Variants in ZNF277 observed in about 807,000 individuals in gnomAD.
The protein encoded by ZNF277 is zinc finger protein 277, also known as nuclear receptor-interacting factor 4.
ZNF277 carries 55 observed loss-of-function variants against 60.7 expected under a neutral mutation model. The observed-to-expected ratio is 0.91, with a 90% CI of 0.73 to 1.13. ZNF277 has a LOEUF of 1.13. ZNF277 is among the 50% of genes most tolerant of loss of function. ZNF277 has a pLI of 0.00. For synonymous variants in ZNF277, 178 were observed against 179.3 expected (o/e 0.99, Z 0.06); for missense variants, 510 against 523.0 (o/e 0.98, Z 0.24).
chr7:112,235,636 T>G (rs191666763), intron 1 of ZNF277, among the ~76,000 whole-genome samples: 229 of 152,214 alleles, frequency 1.5e-3, no homozygotes, highest in African/African-American at 5.3e-3. Context: ...GTAAGAGTTC[T>G]TTATACATTC....
chr7:112,304,232 C>T (rs1792542607), intron 4 of ZNF277, among the ~76,000 whole-genome samples: 1 of 152,032 alleles, frequency 6.6e-6, no homozygotes, highest in South Asian at 2.1e-4. Flanking sequence ...GTACAGTTAT[C>T]CCTGCCTTAT....
intron 1 of ZNF277, among the ~76,000 whole-genome samples, chr7:112,257,388 A>G (rs892135367): frequency 4.6e-5 from 7 of 152,228 alleles, no homozygotes; most frequent in South Asian, 2.1e-4. Flanking sequence ...GCAGTATTTC[A>G]ACTTCTCTCC....
At chr7:112,280,869 G>C (rs1791923273) in intron 1 of ZNF277, among the ~76,000 whole-genome samples, 1 of 151,982 alleles carries the variant, frequency 6.6e-6, no homozygotes, top group African/African-American at 2.4e-5. Flanking sequence ...CTCAAGTAAT[G>C]CGCCCACCTC....
At chr7:112,308,218 T>C (rs1044134507) in intron 4 of ZNF277, among the ~76,000 whole-genome samples, 2 of 151,932 alleles carry the variant, frequency 1.3e-5, no homozygotes, top group Non-Finnish European at 2.9e-5. Context: ...TTTAATCTGT[T>C]AAAAATTGTG....
At chr7:112,281,995 G>A (rs1791955456) in intron 1 of ZNF277, among the ~76,000 whole-genome samples, 1 of 152,070 alleles carries the variant, frequency 6.6e-6, no homozygotes, top group Non-Finnish European at 1.5e-5. Context: ...ACCACGCCCT[G>A]CTAATTTTTG....
chr7:112,213,913 T>C lies in ZNF277; in HGVS notation c.91+7106T>C, dbSNP rs531279159. 4.6e-5 allele frequency among the ~76,000 whole-genome samples: 7 copies of C among 152,340 alleles called. No homozygotes were observed. The South Asian group carries it at 8.3e-4, about 18-fold the overall frequency. On this transcript the variant is annotated intron_variant, in intron 1 of 11. Coordinates refer to ENST00000361822, the MANE Select transcript of ZNF277 (RefSeq NM_021994.3). ...ATGAGTAATACTGTATCTATATTGC[T>C]GGGATGTGGAAATGATTAGGTGAGA...
chr7:112,321,851 T>C (rs551818120), intron 5 of ZNF277, among the ~76,000 whole-genome samples: 26 of 152,286 alleles, frequency 1.7e-4, no homozygotes, highest in African/African-American at 5.8e-4. Flanking sequence ...AATCACTTAC[T>C]AAGGACTGCC....
intron 1 of ZNF277, among the ~76,000 whole-genome samples, chr7:112,270,631 G>A (rs967650360): frequency 6.6e-6 from 1 of 152,008 alleles, no homozygotes; most frequent in Non-Finnish European, 1.5e-5. Flanking sequence ...GTCTAATTAT[G>A]TTTCATAAAT....
chr7:112,278,454 A>T (rs1180401077), intron 1 of ZNF277, among the ~76,000 whole-genome samples: 1 of 152,108 alleles, frequency 6.6e-6, no homozygotes, highest in African/African-American at 2.4e-5. Flanking sequence ...TCATCCTCAA[A>T]CATAAAACCA....
chr7:112,212,878 A>G (rs1015362857), intron 1 of ZNF277, among the ~76,000 whole-genome samples: 4 of 152,142 alleles, frequency 2.6e-5, no homozygotes, highest in African/African-American at 9.7e-5. Context: ...CCACCCGCAC[A>G]CACACACATT....
Position 112,286,907 on chromosome 7 carries a change from G to A in ZNF277, c.126G>A (p.Leu42=). 1.3e-6 allele frequency: 2 copies of A among 1,574,246 alleles called. No individual in the cohort carries two copies. Among genetic ancestry groups the A allele is most frequent in the Non-Finnish European group, 1.7e-6 (2 of 1,165,682 alleles). ...SKDCILEPLS[L]PESPGGTTTL... is the part of the protein sequence containing the mutation. Reference sequence around the variant, plus strand: ...ATTGTATCCTGGAGCCGCTTTCCCTGCCAGAAAGTCCAGGTGGCACCACCA... The same window carrying A: ...ATTGTATCCTGGAGCCGCTTTCCCTACCAGAAAGTCCAGGTGGCACCACCA... The change falls in exon 2 of 12, where the codon CTG becomes CTA. Residue 42 remains leucine (L), a synonymous_variant. Transcript: ENST00000361822.
intron 4 of ZNF277, among the ~76,000 whole-genome samples, chr7:112,298,893 A>G (rs1792411978): frequency 1.3e-5 from 2 of 152,182 alleles, no homozygotes; most frequent in Non-Finnish European, 2.9e-5. Flanking sequence ...AAGCCATGCC[A>G]TGCCAGCGTA....
intron 1 of ZNF277, among the ~76,000 whole-genome samples, chr7:112,280,949 G>T (rs1353142355): frequency 6.6e-6 from 1 of 152,140 alleles, no homozygotes; most frequent in African/African-American, 2.4e-5. Flanking sequence ...TTACCATGGA[G>T]TAAGATATAA....
intron 1 of ZNF277, among the ~76,000 whole-genome samples, chr7:112,210,494 CAG>C (rs1164097477): frequency 7.1e-6 from 1 of 140,952 alleles, no homozygotes; most frequent in Non-Finnish European, 1.5e-5. Context: ...TTTTTTGAGA[CAG>C]AGTCCTGCTC....
At chr7:112,338,130 T>G (rs1793368907) in intron 9 of ZNF277, among the ~76,000 whole-genome samples, 1 of 152,156 alleles carries the variant, frequency 6.6e-6, no homozygotes, top group African/African-American at 2.4e-5. Context: ...TTCCAGTGCT[T>G]CTTGTGCTGG....
rs1792466275 is a variant in ZNF277 at position 112,301,338 on chromosome 7, T to G, written c.465+5027T>G. ...CTTCAAAAACCTGCCCTATTCTTTATTGTCTTCATGTTCTTAAGGTTTTCT... is the reference window on the plus strand; with the variant it reads ...CTTCAAAAACCTGCCCTATTCTTTAGTGTCTTCATGTTCTTAAGGTTTTCT... On this transcript the variant is annotated intron_variant, in intron 4 of 11. Transcript: ENST00000361822. Among the ~76,000 whole-genome samples the G allele has an allele frequency of 3.9e-5, 6 of 152,182 alleles. No individual in the cohort carries two copies. In the South Asian group the frequency reaches 1.0e-3, roughly 26 times the overall value.
chr7:112,302,864 A>C (rs988944034), intron 4 of ZNF277, among the ~76,000 whole-genome samples: 5 of 151,998 alleles, frequency 3.3e-5, no homozygotes, highest in Non-Finnish European at 5.9e-5. Context: ...TCAAACTCCT[A>C]AATTTCCAAC....
chr7:112,321,990 T>A (rs1792993067), intron 5 of ZNF277, among the ~76,000 whole-genome samples: 1 of 152,070 alleles, frequency 6.6e-6, no homozygotes, highest in Non-Finnish European at 1.5e-5. Flanking sequence ...ATTTGAAAAT[T>A]GTTCAATTGA....
intron 1 of ZNF277, among the ~76,000 whole-genome samples, chr7:112,274,887 A>G (rs572018533): frequency 5.3e-5 from 8 of 152,226 alleles, no homozygotes; most frequent in Non-Finnish European, 1.2e-4. Flanking sequence ...TATCTGTGTC[A>G]GAGTTTACCT....
Sources: gnomAD v4.1 joint callset for allele counts (sites outside exome capture counted in the v4.1 genomes callset) on GRCh38, gnomAD v4.1.1 for gene constraint, MANE v1.5 for transcripts, NCBI Gene and HGNC (gene_info 2026-07-23, HGNC 2026-07-21) for gene names.